SLC12A4: variants seen among roughly 807,000 people sequenced by gnomAD.
The protein encoded by SLC12A4 is electroneutral potassium-chloride cotransporter 1.
SLC12A4 carries 84 observed loss-of-function variants against 119.2 expected under a neutral mutation model. The observed-to-expected ratio is 0.70, with a 90% CI of 0.59 to 0.85. The LOEUF is 0.85. SLC12A4 is among the 40% of genes least tolerant of loss of function. The pLI is 0.00. For synonymous variants in SLC12A4, 599 were observed against 604.6 expected (o/e 0.99, Z 0.14); for missense variants, 1,298 against 1,476.3 (o/e 0.88, Z 1.98).
rs370616049 is a variant in SLC12A4 at position 67,951,165 on chromosome 16, G to T, written c.1272C>A (p.Val424=). Residue 424 remains valine, a synonymous_variant, in exon 9 of 24, where the codon GTC becomes GTA. Transcript: ENST00000316341. The surrounding 1 kb of genome is among the most constrained non-coding windows in gnomAD (Gnocchi z 5.2). The part of the protein sequence containing the change: ...ADIATSFTVL[V]GIFFPSVTGI... ...CTGTTACAGAAGGGAAGAAGATGCC[G>T]ACCAGCACGGTGAAGGATGTGGCGA... is the stretch of plus-strand genomic sequence containing the variant. 15 of 1,614,004 alleles carry T rather than the reference G, an allele frequency of 9.3e-6. No homozygotes were observed. In the Middle Eastern group the frequency reaches 8.2e-4, roughly 89 times the overall value.
chr16:67,944,530 C>G lies in SLC12A4; in HGVS notation c.*310G>C, dbSNP rs751273295. 1.3e-5 allele frequency: 17 copies of G among 1,285,474 alleles called. No individual in the cohort carries two copies. The highest frequency in any genetic ancestry group is 1.7e-5 in the Non-Finnish European group (17 of 1,015,352). The allele number at this position is 1,285,474 out of a possible 1,614,324, so 79.6% of individuals were successfully genotyped here. ...CAATAAATATGCAATAAATAGCGCTCCTGGGCTGGGCCGGGCCGGCTGCCT... is the reference window on the plus strand; with the variant it reads ...CAATAAATATGCAATAAATAGCGCTGCTGGGCTGGGCCGGGCCGGCTGCCT... On this transcript the variant is annotated 3_prime_UTR_variant, in exon 24 of 24. Transcript: ENST00000316341. This position sits in a 1 kb window ranked among gnomAD's most constrained non-coding sequence, Gnocchi z 6.6.
Position 67,950,427 on chromosome 16 carries a change from G to C in SLC12A4, c.1521C>G (p.Ile507Met). The C allele has an allele frequency of 1.9e-6, 3 of 1,614,026 alleles. No individual in the cohort carries two copies. Among genetic ancestry groups the C allele is most frequent in the Non-Finnish European group, 2.5e-6 (3 of 1,180,026 alleles). ...ACGTTGAAAAGAAGGAGCCGATGACGATGACCCAGGGTGAAGGCCAGGCCA... is the reference window on the plus strand; with the variant it reads ...ACGTTGAAAAGAAGGAGCCGATGACCATGACCCAGGGTGAAGGCCAGGCCA... ...GTLAWPSPWV[I>M]VIGSFFSTCG... Residue 507 changes from isoleucine to methionine, a missense_variant, in exon 12 of 24, where the codon ATC (isoleucine) becomes ATG (methionine). By Grantham distance (10) the Ile-to-Met change is conservative. Coordinates refer to ENST00000316341, the MANE Select transcript of SLC12A4 (RefSeq NM_005072.5). The surrounding 1 kb of genome is among the most constrained non-coding windows in gnomAD (Gnocchi z 4.3).
chr16:67,950,548 C>G lies in SLC12A4; in HGVS notation c.1455-55G>C. The G allele has an allele frequency of 6.2e-7, 1 of 1,610,702 alleles. No homozygotes were observed. The highest frequency in any genetic ancestry group is 8.5e-7 in the Non-Finnish European group (1 of 1,177,808). On this transcript the variant is annotated intron_variant, in intron 11 of 23. Coordinates refer to ENST00000316341, the MANE Select transcript of SLC12A4 (RefSeq NM_005072.5). The surrounding 1 kb of genome is among the most constrained non-coding windows in gnomAD (Gnocchi z 4.3). ...AGGGGTCCGGAAGGATGGCACAGAC[C>G]ACCAAAGGCAGCCAGCAGGCTTAGG...
At chr16:67,956,335 C>T (rs927960181) in intron 5 of SLC12A4, among the ~76,000 whole-genome samples, 1 of 152,082 alleles carries the variant, frequency 6.6e-6, no homozygotes, top group Non-Finnish European at 1.5e-5. Context: ...AACCCACAGG[C>T]AGGAGAATAA....
At chr16:67,948,267 A>G in intron 13 of SLC12A4, 108 bp from the exon 14 acceptor site, 3 of 982,680 alleles carry the variant, frequency 3.1e-6, no homozygotes, top group Non-Finnish European at 3.1e-6. Context: ...CCTGCCCTGC[A>G]TGGCTCAGCA....
At chr16:67,968,400 C>G (rs987481752) in intron 1 of SLC12A4, 39 bp downstream of exon 1, 6 of 1,519,614 alleles carry the variant, frequency 3.9e-6, no homozygotes, top group African/African-American at 1.4e-5. Flanking sequence ...GGTGGCAGGC[C>G]CCGCTGCCCC....
chr16:67,955,014 G>A (rs1488085816), intron 5 of SLC12A4, among the ~76,000 whole-genome samples: 5 of 152,158 alleles, frequency 3.3e-5, no homozygotes, highest in African/African-American at 4.8e-5. Flanking sequence ...ACTGCTTTGC[G>A]GGAGCAGCTC....
In SLC12A4 at chr16:67,948,178, T is replaced by A. The variant is rs372329957; in HGVS notation, c.1749-19A>T. On this transcript the variant is annotated intron_variant, in intron 13 of 23. Coordinates refer to ENST00000316341, the MANE Select transcript of SLC12A4 (RefSeq NM_005072.5). ...AAAGAACCTGCGGCACAGAGGGCGG[T>A]TGGCGAAGAGCAGCCTCCTCGGCAG... 6.2e-7 allele frequency: 1 copy of A among 1,612,156 alleles called. No homozygotes were observed. The highest frequency in any genetic ancestry group is 8.5e-7 in the Non-Finnish European group (1 of 1,179,220).
intron 1 of SLC12A4, among the ~76,000 whole-genome samples, chr16:67,967,191 A>G (rs1028660726): frequency 6.6e-6 from 1 of 152,250 alleles, no homozygotes; most frequent in Non-Finnish European, 1.5e-5. Flanking sequence ...CTACCTCTGC[A>G]CATGGCAGTC....
Position 67,950,012 on chromosome 16 carries a change from G to T in SLC12A4, c.1630-94C>A. The T allele has an allele frequency of 1.0e-6, 1 of 988,866 alleles. No individual in the cohort carries two copies. The highest frequency in any genetic ancestry group is 1.6e-6 in the Non-Finnish European group (1 of 636,500). The allele number at this position is 988,866 out of a possible 1,614,324, so 61.3% of individuals were successfully genotyped here. A position where few individuals can be genotyped will look rare whatever the true frequency, so the allele number is the denominator to read the frequency against. On this transcript the variant is annotated intron_variant, in intron 12 of 23. Transcript: ENST00000316341. The surrounding 1 kb of genome is among the most constrained non-coding windows in gnomAD (Gnocchi z 4.3). ...CTGGCCTCCCTCACCCCCAGGGCCCGCCTTGGGGGCTCAGGCCGCCCCTGT... is the reference window on the plus strand; with the variant it reads ...CTGGCCTCCCTCACCCCCAGGGCCCTCCTTGGGGGCTCAGGCCGCCCCTGT...
At chr16:67,957,583 G>A (rs2030337142) in intron 5 of SLC12A4, 159 bp downstream of exon 5, 2 of 725,288 alleles carry the variant, frequency 2.8e-6, no homozygotes, top group Non-Finnish European at 4.6e-6. Flanking sequence ...ACTCTGTCAA[G>A]CAGGAAAGCT....
chr16:67,947,818 C>A (rs1273306743), intron 14 of SLC12A4, 30 bp from the exon 15 acceptor site: 2 of 1,562,206 alleles, frequency 1.3e-6, no homozygotes, highest in Non-Finnish European at 1.7e-6. Flanking sequence ...AGAGTCAGGG[C>A]AGGACCAGGA....
chr16:67,962,069 G>A (rs1477930849), intron 2 of SLC12A4, among the ~76,000 whole-genome samples: 3 of 152,188 alleles, frequency 2.0e-5, no homozygotes, highest in South Asian at 4.1e-4. Flanking sequence ...TCCTGGCTAT[G>A]GCTGCACCTC....
rs758229419 is a variant in SLC12A4 at position 67,947,117 on chromosome 16, G to A, written c.2073-12C>T. ...CCAGCAGCTGCGGCCTGCAGTGGCC[G>A]GGTGGGGGGAGCCTGAGACCAGGGC... On this transcript the variant is annotated splice_polypyrimidine_tract_variant and intron_variant, in intron 16 of 23. Transcript: ENST00000316341. The A allele has an allele frequency of 7.6e-6, 12 of 1,573,484 alleles. No individual in the cohort carries two copies. The highest frequency in any genetic ancestry group is 2.1e-4 in the Middle Eastern group (1 of 4,674).
At chr16:67,955,562 A>G (rs931320937) in intron 5 of SLC12A4, among the ~76,000 whole-genome samples, 1 of 152,100 alleles carries the variant, frequency 6.6e-6, no homozygotes, top group Non-Finnish European at 1.5e-5. Flanking sequence ...TCTCTACTAA[A>G]AAAAGGAAAT....
In SLC12A4 at chr16:67,950,359, A is replaced by G; in HGVS notation, c.1589T>C (p.Leu530Ser). The G allele has an allele frequency of 6.2e-7, 1 of 1,614,042 alleles. No individual in the cohort carries two copies. Among genetic ancestry groups the G allele is most frequent in the African/African-American group, 1.3e-5 (1 of 75,046 alleles). Residue 530 changes from leucine to serine, a missense_variant, in exon 12 of 24, where the codon TTG (leucine) becomes TCG (serine). Leu to Ser is a moderately radical substitution (Grantham distance 145). Transcript: ENST00000316341. This position sits in a 1 kb window ranked among gnomAD's most constrained non-coding sequence, Gnocchi z 4.3. ...LQSLTGAPRLLQAIAKDNIIP... is the reference protein window; with the variant it reads ...LQSLTGAPRLSQAIAKDNIIP... Reference sequence around the variant, plus strand: ...GATGTTGTCCTTGGCAATGGCCTGCAATAGGCGTGGTGCCCCTGTGAGGCT... The same window carrying G: ...GATGTTGTCCTTGGCAATGGCCTGCGATAGGCGTGGTGCCCCTGTGAGGCT...
In SLC12A4 at chr16:67,943,709, G is replaced by T; in HGVS notation, c.*1131C>A. On this transcript the variant is annotated 3_prime_UTR_variant, in exon 24 of 24. Transcript: ENST00000316341. The surrounding 1 kb of genome is among the most constrained non-coding windows in gnomAD (Gnocchi z 4.6). ...TGTGATGCCCCAGCCAAGACCTCAGGCACACCCCGTCCCCCACTCCGCCCC... is the reference window on the plus strand; with the variant it reads ...TGTGATGCCCCAGCCAAGACCTCAGTCACACCCCGTCCCCCACTCCGCCCC... 1.8e-6 allele frequency: 1 copy of T among 559,708 alleles called. No individual in the cohort carries two copies. Among genetic ancestry groups the T allele is most frequent in the Non-Finnish European group, 3.2e-6 (1 of 315,628 alleles). The allele number at this position is 559,708 out of a possible 1,614,324, so 34.7% of individuals were successfully genotyped here.
Position 67,950,864 on chromosome 16 carries a change from TGA to T in SLC12A4, c.1396+96_1396+97del. ...TGTGCATGAGAAGGGGAGCTATATA[TGA>T]GTGTGTGGGGTGTCTGTGCATGTGA... On this transcript the variant is annotated intron_variant, in intron 10 of 23. Transcript: ENST00000316341. This position sits in a 1 kb window ranked among gnomAD's most constrained non-coding sequence, Gnocchi z 4.3. 1 of 1,439,028 alleles carries T rather than the reference TGA, an allele frequency of 6.9e-7. No homozygotes were observed. Among genetic ancestry groups the T allele is most frequent in the South Asian group, 1.2e-5 (1 of 84,668 alleles). 89.1% of individuals were successfully genotyped at this position (1,439,028 alleles called of 1,614,324 possible).
intron 3 of SLC12A4, among the ~76,000 whole-genome samples, chr16:67,959,526 C>T (rs2151335699): frequency 6.6e-6 from 1 of 152,242 alleles, no homozygotes; most frequent in East Asian, 1.9e-4. Context: ...TGTGAGCGAC[C>T]TAAAGGACTT....
Sources: gnomAD v4.1 joint callset for allele counts (sites outside exome capture counted in the v4.1 genomes callset) on GRCh38, gnomAD v4.1.1 for gene constraint, Gnocchi (gnomAD v3.1) non-coding constraint, MANE v1.5 for transcripts, NCBI Gene and HGNC (gene_info 2026-07-23, HGNC 2026-07-21) for gene names.